TLR5: variants seen among roughly 807,000 people sequenced by gnomAD.
TLR5 encodes the protein toll-like receptor 5.
For missense variants in TLR5, 944 were observed against 999.8 expected (o/e 0.94, Z 0.75); for synonymous variants, 373 against 384.4 (o/e 0.97, Z 0.35).
chr1:223,116,526 G>A (rs749282682), intron 5 of TLR5, among the ~76,000 whole-genome samples: 5 of 152,188 alleles, frequency 3.3e-5, no homozygotes, highest in Admixed American at 6.5e-5. Context: ...CAGACCCAAA[G>A]AGCGAGCGGC....
intron 3 of TLR5, 135 bp downstream of exon 3, chr1:223,137,043 G>A (rs1012603959): frequency 6.6e-6 from 1 of 152,204 alleles, no homozygotes; most frequent in South Asian, 2.1e-4. Flanking sequence ...GGCTGGTCTC[G>A]AACTCCTGGG....
intron 5 of TLR5, among the ~76,000 whole-genome samples, chr1:223,115,042 C>A (rs144376452): frequency 6.6e-6 from 1 of 152,328 alleles, no homozygotes; most frequent in East Asian, 1.9e-4. Context: ...CAGCAGCCAG[C>A]ATGTTCTTTC....
Position 223,112,632 on chromosome 1 carries a change from CAT to C in TLR5, c.398_399del (p.Asp133GlyfsTer26). On this transcript the variant is annotated frameshift_variant, in exon 6 of 6. Coordinates refer to ENST00000642603, the MANE Select transcript of TLR5 (RefSeq NM_003268.6). LOFTEE classifies it low-confidence loss of function (END_TRUNC). ...ELRLYFCGLS[D>X]AVLKDGYFRN... ...CTGAAATAACCATCTTTCAATACAG[CAT>C]CAGAGAGACCACAGAAATACAGTCT... is the stretch of plus-strand genomic sequence containing the variant. 2.5e-6 allele frequency: 4 copies of C among 1,614,202 alleles called. No homozygotes were observed. The highest frequency in any genetic ancestry group is 3.4e-6 in the Non-Finnish European group (4 of 1,180,046).
chr1:223,125,785 T>C (rs1245895692), intron 5 of TLR5, among the ~76,000 whole-genome samples: 2 of 152,198 alleles, frequency 1.3e-5, no homozygotes, highest in Non-Finnish European at 2.9e-5. Context: ...CAGGAGACTT[T>C]AAAAAATTAC....
At chr1:223,124,262 G>A (rs192683599) in intron 5 of TLR5, among the ~76,000 whole-genome samples, 6 of 152,144 alleles carry the variant, frequency 3.9e-5, no homozygotes, top group East Asian at 3.9e-4. Context: ...TGGACAACAC[G>A]GTGAAACCTA....
At chr1:223,139,009 C>T (rs140222013) in intron 2 of TLR5, among the ~76,000 whole-genome samples, 117 of 152,262 alleles carry the variant, frequency 7.7e-4, no homozygotes, top group African/African-American at 2.6e-3. Context: ...TCTTGGCTGC[C>T]GCCATGTAAG....
intron 5 of TLR5, among the ~76,000 whole-genome samples, chr1:223,122,557 G>C (rs899894851): frequency 2.0e-5 from 3 of 152,146 alleles, no homozygotes; most frequent in Non-Finnish European, 2.9e-5. Context: ...ATTTGTATTG[G>C]GTTCCACATA....
intron 5 of TLR5, among the ~76,000 whole-genome samples, chr1:223,130,568 C>T (rs926217834): frequency 2.0e-5 from 3 of 152,192 alleles, no homozygotes; most frequent in Admixed American, 6.5e-5. Context: ...AACAGCCCCA[C>T]GTCACTTGCT....
intron 5 of TLR5, among the ~76,000 whole-genome samples, chr1:223,124,749 G>A (rs1305814267): frequency 6.6e-6 from 1 of 152,066 alleles, no homozygotes; most frequent in Non-Finnish European, 1.5e-5. Context: ...GATTACAGGT[G>A]TGCACCACCA....
chr1:223,130,050 G>A (rs190728290), intron 5 of TLR5, among the ~76,000 whole-genome samples: 62 of 152,176 alleles, frequency 4.1e-4, no homozygotes, highest in African/African-American at 1.2e-3. Context: ...TTAGCAATGG[G>A]TGGGGGCTGG....
At chr1:223,122,351 A>G (rs1656988291) in intron 5 of TLR5, among the ~76,000 whole-genome samples, 1 of 152,166 alleles carries the variant, frequency 6.6e-6, no homozygotes, top group Non-Finnish European at 1.5e-5. Flanking sequence ...CTGGCGTGCA[A>G]TTGGAAGGCT....
At chr1:223,135,456 A>C (rs1657572326) in intron 3 of TLR5, among the ~76,000 whole-genome samples, 1 of 152,282 alleles carries the variant, frequency 6.6e-6, no homozygotes, top group South Asian at 2.1e-4. Flanking sequence ...AGTGGTGGTT[A>C]CTTTCGAGAT....
rs1456001412 is a variant in TLR5, at chr1:223,110,994, T to C, written c.2038A>G (p.Lys680Glu). ...GGTTCTGTGCCCTGGGGATGGTCCT[T>C]GAACACCAGTCTCTGGGCTGTCTTA... The part of the protein sequence containing the change: ...CYKTAQRLVF[K>E]DHPQGTEPDM... The change falls in exon 6 of 6, where the codon AAG (lysine) becomes GAG (glutamate). Residue 680 changes from lysine to glutamate, a missense_variant. Physicochemically the swap from Lys to Glu is moderately conservative, Grantham distance 56. Transcript: ENST00000642603. The C allele has an allele frequency of 9.3e-6, 15 of 1,614,122 alleles. No individual in the cohort carries two copies. The highest frequency in any genetic ancestry group is 1.3e-5 in the Non-Finnish European group (15 of 1,180,064).
At chr1:223,122,759 T>A (rs1313943818) in intron 5 of TLR5, among the ~76,000 whole-genome samples, 1 of 152,186 alleles carries the variant, frequency 6.6e-6, no homozygotes, top group Non-Finnish European at 1.5e-5. Flanking sequence ...GATGATAGCT[T>A]TGATCCTTTT....
chr1:223,141,426 G>A (rs1657832240), intron 2 of TLR5: 1 of 152,116 alleles, frequency 6.6e-6, no homozygotes, highest in South Asian at 2.1e-4. Flanking sequence ...GAATCAGTCA[G>A]ACTGATAATT....
In TLR5 at chr1:223,111,377, A is replaced by T. The variant is rs1356402014; in HGVS notation, c.1655T>A (p.Ile552Asn). 6.2e-6 allele frequency: 10 copies of T among 1,614,218 alleles called. No homozygotes were observed. Among genetic ancestry groups the T allele is most frequent in the Non-Finnish European group, 8.5e-6 (10 of 1,180,042 alleles). Residue 552 changes from isoleucine (I) to asparagine (N), a missense_variant, in exon 6 of 6, where the codon ATC (isoleucine) becomes AAC (asparagine). Ile to Asn is a moderately radical substitution (Grantham distance 149, BLOSUM62 -3). Transcript: ENST00000642603. ...GAGCTGGTTCCTGGATATGTCCAGG[A>T]TCTCTAAATTAGCAGGTAAATCATT... Reference protein sequence around the residue: ...SHNDLPANLEILDISRNQLLA... With the variant: ...SHNDLPANLENLDISRNQLLA...
At position 223,112,400 on chromosome 1, in the gene TLR5, C is replaced by G; in HGVS notation, c.632G>C (p.Arg211Thr). ...FSLAANSLYSRVSVDWGKCMN... is the reference protein window; with the variant it reads ...FSLAANSLYSTVSVDWGKCMN... ...ACATTTTCCCCAGTCCACTGAGACTCTGCTATACAAGCTATTAGCTGCGAG... is the reference window on the plus strand; with the variant it reads ...ACATTTTCCCCAGTCCACTGAGACTGTGCTATACAAGCTATTAGCTGCGAG... Residue 211 changes from arginine to threonine, a missense_variant, in exon 6 of 6, where the codon AGA (arginine) becomes ACA (threonine). Arg to Thr is a moderately conservative substitution (Grantham distance 71). Coordinates refer to ENST00000642603, the MANE Select transcript of TLR5 (RefSeq NM_003268.6). 1.2e-6 allele frequency: 2 copies of G among 1,614,226 alleles called. No homozygotes were observed. Among genetic ancestry groups the G allele is most frequent in the Non-Finnish European group, 1.7e-6 (2 of 1,180,044 alleles).
At chr1:223,113,163 C>T in intron 5 of TLR5, 128 bp from the exon 6 acceptor site, 1 of 891,022 alleles carries the variant, frequency 1.1e-6, no homozygotes, top group Non-Finnish European at 1.8e-6. Flanking sequence ...CCTCTGACTC[C>T]ACAGACGTGG....
At chr1:223,125,161 A>C (rs1218086386) in intron 5 of TLR5, among the ~76,000 whole-genome samples, 1 of 152,220 alleles carries the variant, frequency 6.6e-6, no homozygotes, top group Non-Finnish European at 1.5e-5. Context: ...CAGCATATCA[A>C]TAGTCTTCCC....
Sources: gnomAD v4.1 joint callset for allele counts (sites outside exome capture counted in the v4.1 genomes callset) on GRCh38, gnomAD v4.1.1 for gene constraint, MANE v1.5 for transcripts, NCBI Gene and HGNC (gene_info 2026-07-23, HGNC 2026-07-21) for gene names.